Variants in BRINP3 observed in about 807,000 individuals in gnomAD.
The protein encoded by BRINP3 is BMP/retinoic acid-inducible neural-specific protein 3.
Under a neutral mutation model 71.0 loss-of-function variants are expected in BRINP3, and 19 were observed. The ratio of observed to expected loss-of-function variants is 0.27; its 90% CI spans 0.19 to 0.39. The LOEUF is 0.39. Among genes scored for constraint, BRINP3 ranks in the 10% least tolerant of loss-of-function variants. The pLI is 1.00. For missense variants in BRINP3, 959 were observed against 940.8 expected (o/e 1.02, Z -0.25); for synonymous variants, 380 against 337.7 (o/e 1.13, Z -1.37).
chr1:190,153,998 A>G, intron 7 of BRINP3: 2 of 721,550 alleles, frequency 2.8e-6, no homozygotes, highest in Non-Finnish European at 3.4e-6. Context: ...TAACAGTACA[A>G]CATAAACAAT....
chr1:190,177,865 T>C (rs995909725), intron 6 of BRINP3, among the ~76,000 whole-genome samples: 3 of 152,072 alleles, frequency 2.0e-5, no homozygotes, highest in Non-Finnish European at 4.4e-5. Context: ...AGGTGGAAAA[T>C]AGAAAATTTA....
intron 6 of BRINP3, among the ~76,000 whole-genome samples, chr1:190,173,252 T>A (rs768769473): frequency 2.0e-5 from 3 of 152,172 alleles, no homozygotes; most frequent in Non-Finnish European, 4.4e-5. Context: ...ACTTGCAGCA[T>A]CTGGTGTATA....
chr1:190,153,246 A>C (rs1024804541), intron 7 of BRINP3, among the ~76,000 whole-genome samples: 1 of 152,142 alleles, frequency 6.6e-6, no homozygotes, highest in Non-Finnish European at 1.5e-5. Context: ...TTCTTAAGTA[A>C]CAGTTTGTTT....
At chr1:190,435,625 A>G (rs769933700) in intron 2 of BRINP3, among the ~76,000 whole-genome samples, 1 of 152,092 alleles carries the variant, frequency 6.6e-6, no homozygotes, top group Non-Finnish European at 1.5e-5. Flanking sequence ...AAAATGTAAC[A>G]TTTTTAAATG....
intron 2 of BRINP3, among the ~76,000 whole-genome samples, chr1:190,375,959 A>T (rs1366329680): frequency 4.6e-5 from 7 of 152,000 alleles, no homozygotes; most frequent in Non-Finnish European, 7.4e-5. Flanking sequence ...AATAAAAATT[A>T]AAAAATCATC....
At chr1:190,306,693 G>T (rs548808392) in intron 2 of BRINP3, among the ~76,000 whole-genome samples, 6 of 151,452 alleles carry the variant, frequency 4.0e-5, no homozygotes, top group Non-Finnish European at 5.9e-5. Flanking sequence ...GTCCTAGAGC[G>T]CAACTATTTT....
At chr1:190,462,811 T>G (rs2102669167) in intron 1 of BRINP3, among the ~76,000 whole-genome samples, 1 of 152,174 alleles carries the variant, frequency 6.6e-6, no homozygotes, top group South Asian at 2.1e-4. Context: ...AATTGAAAGT[T>G]ATTTCTTAGA....
chr1:190,448,824 T>C (rs1042737149), intron 2 of BRINP3, among the ~76,000 whole-genome samples: 3 of 152,070 alleles, frequency 2.0e-5, no homozygotes, highest in Admixed American at 6.6e-5. Flanking sequence ...ATCATTTTCA[T>C]TTATTTTTAA....
At chr1:190,178,100 G>A (rs1652709235) in intron 6 of BRINP3, among the ~76,000 whole-genome samples, 1 of 152,022 alleles carries the variant, frequency 6.6e-6, no homozygotes, top group Non-Finnish European at 1.5e-5. Flanking sequence ...ACCTTTCAGG[G>A]TCCTGGAACC....
chr1:190,357,577 T>C (rs1192178641), intron 2 of BRINP3, among the ~76,000 whole-genome samples: 1 of 151,952 alleles, frequency 6.6e-6, no homozygotes, highest in Non-Finnish European at 1.5e-5. Context: ...TGTAGCCTTG[T>C]AGTATAGTTT....
intron 2 of BRINP3, among the ~76,000 whole-genome samples, chr1:190,341,570 A>C (rs537481552): frequency 9.9e-5 from 15 of 151,976 alleles, no homozygotes; most frequent in Admixed American, 9.9e-4. Flanking sequence ...AACGTGATCT[A>C]TGAGTAAAGA....
intron 2 of BRINP3, among the ~76,000 whole-genome samples, chr1:190,418,317 C>T (rs1247341439): frequency 6.6e-6 from 1 of 152,106 alleles, no homozygotes; most frequent in South Asian, 2.1e-4. Context: ...TCCCAAACTG[C>T]TGGGACTACA....
chr1:190,267,619 A>G (rs75449330), intron 3 of BRINP3, among the ~76,000 whole-genome samples: 2,284 of 152,198 alleles, frequency 0.015, 72 homozygotes, highest in African/African-American at 0.051. Context: ...GAAACGATAA[A>G]CACAACCAAA....
At chr1:190,209,867 C>T (rs1459920164) in intron 6 of BRINP3, among the ~76,000 whole-genome samples, 3 of 152,020 alleles carry the variant, frequency 2.0e-5, no homozygotes, top group Non-Finnish European at 4.4e-5. Flanking sequence ...AATTCTGCAC[C>T]TATAAGAATA....
chr1:190,410,160 C>G (rs147389621), intron 2 of BRINP3, among the ~76,000 whole-genome samples: 1 of 152,056 alleles, frequency 6.6e-6, no homozygotes, highest in Non-Finnish European at 1.5e-5. Flanking sequence ...TTGACCAGGA[C>G]TAGGTTACTA....
intron 7 of BRINP3, among the ~76,000 whole-genome samples, chr1:190,119,913 C>G (rs1434079369): frequency 6.6e-6 from 1 of 152,228 alleles, no homozygotes; most frequent in Non-Finnish European, 1.5e-5. Flanking sequence ...CAGAGCCATA[C>G]TCAGCATCTA....
At chr1:190,282,180 T>TA (rs892881780) in intron 2 of BRINP3, among the ~76,000 whole-genome samples, 4 of 151,096 alleles carry the variant, frequency 2.6e-5, no homozygotes, top group Admixed American at 1.3e-4. Flanking sequence ...AGTGGGAACA[T>TA]AAAAAACCTC....
chr1:190,200,966 C>T (rs935240304), intron 6 of BRINP3, among the ~76,000 whole-genome samples: 6 of 152,138 alleles, frequency 3.9e-5, no homozygotes, highest in African/African-American at 1.4e-4. Flanking sequence ...CGGAGTAAAA[C>T]AGTAAATTGG....
In BRINP3 at chr1:190,219,536, C is replaced by T. The variant is rs1046684720; in HGVS notation, c.961+6546G>A. Among the ~76,000 whole-genome samples, 9 of 152,040 alleles carry T rather than the reference C, an allele frequency of 5.9e-5. No individual in the cohort carries two copies. In the East Asian group the frequency reaches 1.8e-3, roughly 30 times the overall value. ...AAGAATCAGTGAGCTAAAAGACTGG[C>T]TATTTGAAAATACATAGTCAGGGCC... On this transcript the variant is annotated intron_variant, in intron 6 of 7. Coordinates refer to ENST00000367462, the MANE Select transcript of BRINP3 (RefSeq NM_199051.3).
Sources: gnomAD v4.1 joint callset for allele counts (sites outside exome capture counted in the v4.1 genomes callset) on GRCh38, gnomAD v4.1.1 for gene constraint, MANE v1.5 for transcripts, NCBI Gene and HGNC (gene_info 2026-07-23, HGNC 2026-07-21) for gene names.